The following PLCL2 variants were observed in gnomAD, a reference collection of about 807,000 sequenced individuals.
PLCL2 encodes inactive phospholipase C-like protein 2.
In PLCL2, 4 loss-of-function variants were observed where a neutral mutation model predicts 79.6. The observed-to-expected ratio is 0.05, with a 90% confidence interval of 0.02 to 0.11. PLCL2 has a LOEUF of 0.11. PLCL2 is among the 10% of genes least tolerant of loss of function. The pLI is 1.00. For synonymous variants in PLCL2, 484 were observed against 457.7 expected, an observed-to-expected ratio of 1.06 and a Z score of -0.73; for missense variants, 895 against 1,291.0, an observed-to-expected ratio of 0.69 and a Z score of 4.70.
chr3:16,934,394 T>C (rs1697487995), intron 1 of PLCL2, among the ~76,000 whole-genome samples: 1 of 152,006 alleles, frequency 6.6e-6, no homozygotes, highest in African/African-American at 2.4e-5. Context: ...GGTAGAATAG[T>C]GTGAGGAACT....
At chr3:16,983,552 C>G (rs1436326721) in intron 1 of PLCL2, among the ~76,000 whole-genome samples, 1 of 152,178 alleles carries the variant, frequency 6.6e-6, no homozygotes, top group Non-Finnish European at 1.5e-5. Context: ...CACCTGTAAT[C>G]CCAGCTACTC....
chr3:16,900,403 CTT>C (rs1451464639), intron 1 of PLCL2, among the ~76,000 whole-genome samples: 1 of 152,038 alleles, frequency 6.6e-6, no homozygotes, highest in Non-Finnish European at 1.5e-5. Flanking sequence ...AAGCTATAAA[CTT>C]TATATCTAGC....
intron 5 of PLCL2, among the ~76,000 whole-genome samples, chr3:17,086,111 A>T (rs2065217442): frequency 6.6e-6 from 1 of 152,246 alleles, no homozygotes; most frequent in African/African-American, 2.4e-5. Context: ...TAAAGAGAGA[A>T]ACAAAAGACC....
chr3:16,898,778 G>A (rs1696546470), intron 1 of PLCL2, among the ~76,000 whole-genome samples: 1 of 152,208 alleles, frequency 6.6e-6, no homozygotes, highest in Non-Finnish European at 1.5e-5. Context: ...GGAACAACAG[G>A]GACCACGGGA....
chr3:16,920,669 C>G (rs994068264), intron 1 of PLCL2, among the ~76,000 whole-genome samples: 1 of 152,116 alleles, frequency 6.6e-6, no homozygotes, highest in South Asian at 2.1e-4. Context: ...AGTGAAAATG[C>G]TTGTATGGTG....
chr3:16,985,299 C>G (rs1222788394), intron 1 of PLCL2, among the ~76,000 whole-genome samples: 1 of 152,120 alleles, frequency 6.6e-6, no homozygotes, highest in African/African-American at 2.4e-5. Context: ...TATCTTTCAT[C>G]TCCACTACAT....
chr3:16,926,932 T>C (rs1697269496), intron 1 of PLCL2, among the ~76,000 whole-genome samples: 1 of 151,078 alleles, frequency 6.6e-6, no homozygotes, highest in Non-Finnish European at 1.5e-5. Context: ...CCCGGCCACA[T>C]TTTTTTTTAA....
At chr3:17,022,907 A>G (rs1030499813) in intron 3 of PLCL2, among the ~76,000 whole-genome samples, 12 of 152,182 alleles carry the variant, frequency 7.9e-5, no homozygotes, top group Non-Finnish European at 1.8e-4. Context: ...TGCATTCATT[A>G]CGTTATTCGT....
intron 1 of PLCL2, among the ~76,000 whole-genome samples, chr3:16,939,800 T>C (rs1461702336): frequency 6.6e-6 from 1 of 152,132 alleles, no homozygotes; most frequent in Admixed American, 6.5e-5. Context: ...CCACTCCGTG[T>C]TTTCCTACGA....
At chr3:17,063,370 T>C (rs138619829) in intron 4 of PLCL2, among the ~76,000 whole-genome samples, 176 of 142,752 alleles carry the variant, frequency 1.2e-3, no homozygotes, top group African/African-American at 4.5e-3. Flanking sequence ...TATACCCCTC[T>C]AATAATGACC....
At position 16,942,967 on chromosome 3, in the gene PLCL2, G is replaced by T. The variant is rs555536142; in HGVS notation, c.327+57601G>T. Among the ~76,000 whole-genome samples, 5 of 152,280 alleles carry T rather than the reference G, an allele frequency of 3.3e-5. No homozygotes were observed. In the South Asian group the frequency reaches 1.0e-3, roughly 32 times the overall value. On this transcript the variant is annotated intron_variant, in intron 1 of 5. Coordinates refer to ENST00000615277, the MANE Select transcript of PLCL2 (RefSeq NM_001144382.2). Reference sequence around the variant, plus strand: ...AGCATGGTGCTGTGCATAGAAAAATGAGCTCAATAATTGTTTGTTGTCCAG... The same window carrying T: ...AGCATGGTGCTGTGCATAGAAAAATTAGCTCAATAATTGTTTGTTGTCCAG...
At chr3:16,971,095 T>G (rs2063860831) in intron 1 of PLCL2, among the ~76,000 whole-genome samples, 1 of 151,538 alleles carries the variant, frequency 6.6e-6, no homozygotes, top group African/African-American at 2.4e-5. Context: ...TTTTGGCTTT[T>G]GTTGCCATTG....
At position 17,090,291 on chromosome 3, in the gene PLCL2, G is replaced by A; in HGVS notation, c.*379G>A. On this transcript the variant is annotated 3_prime_UTR_variant, in exon 6 of 6. Coordinates refer to ENST00000615277, the MANE Select transcript of PLCL2 (RefSeq NM_001144382.2). ...TATTATTTATTGGAGAAAAAAACCT[G>A]ATCTACACATTTTTACTTATATGGG... 1 of 972,666 alleles carries A rather than the reference G, an allele frequency of 1.0e-6. No homozygotes were observed. The highest frequency in any genetic ancestry group is 1.2e-6 in the Non-Finnish European group (1 of 817,898). The allele number at this position is 972,666 out of a possible 1,614,324, so 60.3% of individuals were successfully genotyped here.
chr3:16,946,953 C>CTTTTTTTTTTTTTTTTTT (rs1056023349), intron 1 of PLCL2, among the ~76,000 whole-genome samples: 1 of 95,444 alleles, frequency 1.0e-5, no homozygotes, highest in Non-Finnish European at 1.9e-5. Context: ...AAGTTTCATT[C>CTTTTTTTTTTTTTTTTTT]TTTTTTTTTT....
intron 3 of PLCL2, among the ~76,000 whole-genome samples, chr3:17,032,226 A>G (rs1197727097): frequency 1.3e-5 from 2 of 152,014 alleles, no homozygotes; most frequent in Admixed American, 1.3e-4. Context: ...TTTTCAAACT[A>G]TTGCCTCTGG....
At chr3:16,995,905 A>G (rs2064148597) in intron 1 of PLCL2, among the ~76,000 whole-genome samples, 1 of 152,220 alleles carries the variant, frequency 6.6e-6, no homozygotes, top group Non-Finnish European at 1.5e-5. Context: ...ACTGACTTTA[A>G]GCACAAAAGG....
At chr3:16,967,313 C>G (rs1050810182) in intron 1 of PLCL2, among the ~76,000 whole-genome samples, 8 of 151,924 alleles carry the variant, frequency 5.3e-5, no homozygotes, top group African/African-American at 1.9e-4. Flanking sequence ...GAATGTAATT[C>G]TGTTGAATTT....
intron 3 of PLCL2, among the ~76,000 whole-genome samples, chr3:17,027,153 T>A (rs778575763): frequency 8.5e-5 from 13 of 152,306 alleles, no homozygotes; most frequent in Middle Eastern, 3.4e-3. Context: ...AAAAAGTGCA[T>A]GTCGCATATC....
chr3:16,916,971 G>T (rs11928414), intron 1 of PLCL2, among the ~76,000 whole-genome samples: 1 of 151,920 alleles, frequency 6.6e-6, no homozygotes, highest in East Asian at 1.9e-4. Context: ...GTTCTTTGTC[G>T]TACGAGCCCC....
Sources: allele counts gnomAD v4.1 joint callset (sites outside exome capture counted in the v4.1 genomes callset), GRCh38; gene constraint gnomAD v4.1.1; transcripts MANE v1.5; gene names NCBI Gene and HGNC (gene_info 2026-07-23, HGNC 2026-07-21).